FAM186A: variants seen among roughly 807,000 people sequenced by gnomAD.
FAM186A encodes the protein family with sequence similarity 186 member A.
In FAM186A, 163 loss-of-function variants were observed where a neutral mutation model predicts 216.8. The ratio of observed to expected loss-of-function variants is 0.75; its 90% CI spans 0.66 to 0.86. The LOEUF is 0.86. FAM186A is among the 40% of genes least tolerant of loss of function. FAM186A has a pLI of 0.00. For synonymous variants in FAM186A, 805 were observed against 1,025.3 expected (o/e 0.79, Z 4.10); for missense variants, 2,184 against 2,746.2 (o/e 0.80, Z 4.58).
Position 50,353,342 on chromosome 12 carries a change from C to A in FAM186A, c.3490G>T (p.Ala1164Ser), listed in dbSNP as rs1942930783. ...APGISLTTQQ[A>S]QKLGIPLTPQ... is the part of the protein sequence containing the mutation. ...GTAAGAGGGATCCCTAGTTTCTGAG[C>A]CTGCTGAGTGGTGAGAGAGATCCCC... Residue 1164 changes from alanine to serine, a missense_variant, in exon 4 of 8, where the codon GCT becomes TCT. Coordinates refer to ENST00000327337, the MANE Select transcript of FAM186A (RefSeq NM_001145475.3). The A allele has an allele frequency of 6.5e-7, 1 of 1,538,516 alleles. No homozygotes were observed. Among genetic ancestry groups the A allele is most frequent in the Non-Finnish European group, 8.8e-7 (1 of 1,141,378 alleles).
Position 50,355,512 on chromosome 12 carries a change from T to A in FAM186A, c.1320A>T (p.Ser440=). Residue 440 remains serine (S), a synonymous_variant, in exon 4 of 8, where the codon TCA becomes TCT. Transcript: ENST00000327337. The stretch of plus-strand genomic sequence containing the variant: ...CCTGATAGAAATCACCTTTCTTCAA[T>A]GATACGTTATCTTTAGTGCTGTCTT... ...ISEDSTKDNV[S]LKKGDFYQED... The A allele has an allele frequency of 6.4e-7, 1 of 1,551,382 alleles. No individual in the cohort carries two copies. The highest frequency in any genetic ancestry group is 8.7e-7 in the Non-Finnish European group (1 of 1,146,944).
At chr12:50,376,546 A>C (rs1409413046) in intron 1 of FAM186A, among the ~76,000 whole-genome samples, 1 of 152,050 alleles carries the variant, frequency 6.6e-6, no homozygotes, top group Non-Finnish European at 1.5e-5. Context: ...GGAGTCTCTG[A>C]GTCTGGCTAA....
chr12:50,372,118 A>AT lies in FAM186A; in HGVS notation c.193-8755dup, dbSNP rs576263398. ...TGAGCCATCGTGGCTGGCCCAATTA[A>AT]TTTTTTTTTTAATTTAAAAAGGAAT... is the stretch of plus-strand genomic sequence containing the variant. On this transcript the variant is annotated intron_variant, in intron 1 of 7. Transcript: ENST00000327337. Among the ~76,000 whole-genome samples the AT allele has an allele frequency of 7.0e-4, 106 of 150,362 alleles. No individual in the cohort carries two copies. The Middle Eastern group carries it at 0.017, about 25-fold the overall frequency.
At chr12:50,341,086 C>T (rs1028696052) in intron 4 of FAM186A, among the ~76,000 whole-genome samples, 4 of 152,014 alleles carry the variant, frequency 2.6e-5, no homozygotes, top group Admixed American at 6.6e-5. Flanking sequence ...CATGAGCCAC[C>T]GCGCCCAGCT....
At chr12:50,363,110 T>C (rs1943052075) in intron 2 of FAM186A, 35 bp downstream of exon 2, 1 of 1,468,176 alleles carries the variant, frequency 6.8e-7, no homozygotes, top group Admixed American at 2.4e-5. Flanking sequence ...TCATTAACTT[T>C]ATGGTTTTCC....
chr12:50,328,392 C>T lies in FAM186A; in HGVS notation c.7035-988G>A, dbSNP rs1452327186. On this transcript the variant is annotated intron_variant, in intron 7 of 7. Transcript: ENST00000327337. Reference sequence around the variant, plus strand: ...ACGTCTCTAAAAACAAACAAAAATACAGATCTACAATGAATATCACACAAC... The same window carrying T: ...ACGTCTCTAAAAACAAACAAAAATATAGATCTACAATGAATATCACACAAC... 2.6e-5 allele frequency among the ~76,000 whole-genome samples: 4 copies of T among 151,902 alleles called. No homozygotes were observed. The East Asian group carries it at 5.8e-4, about 22-fold the overall frequency.
chr12:50,346,674 C>T (rs998881750), intron 4 of FAM186A, among the ~76,000 whole-genome samples: 1 of 151,826 alleles, frequency 6.6e-6, no homozygotes, highest in Admixed American at 6.6e-5. Context: ...GGTGAAACCC[C>T]GTCTCTACTA....
At chr12:50,392,741 G>A (rs923828263) in intron 1 of FAM186A, among the ~76,000 whole-genome samples, 5 of 149,164 alleles carry the variant, frequency 3.4e-5, no homozygotes, top group East Asian at 2.0e-4. Flanking sequence ...TGGGACTACA[G>A]TCGTGTGCCA....
chr12:50,379,019 A>G (rs1010814523), intron 1 of FAM186A, among the ~76,000 whole-genome samples: 6 of 152,346 alleles, frequency 3.9e-5, no homozygotes, highest in Middle Eastern at 3.4e-3. Context: ...AAAAGAATAA[A>G]GAAGGCTGGG....
At chr12:50,389,546 T>C (rs766088849) in intron 1 of FAM186A, among the ~76,000 whole-genome samples, 47 of 152,292 alleles carry the variant, frequency 3.1e-4, no homozygotes, top group Non-Finnish European at 2.9e-4. Context: ...AGGTAAATTC[T>C]ACCCAACTGG....
intron 3 of FAM186A, among the ~76,000 whole-genome samples, chr12:50,358,693 G>A (rs1943001741): frequency 6.6e-6 from 1 of 152,076 alleles, no homozygotes; most frequent in South Asian, 2.1e-4. Flanking sequence ...GGGAGGCCGA[G>A]GAGGGTGGAT....
At position 50,353,206 on chromosome 12, in the gene FAM186A, G is replaced by C; in HGVS notation, c.3626C>G (p.Pro1209Arg). The C allele has an allele frequency of 6.9e-7, 1 of 1,452,786 alleles. No homozygotes were observed. Among genetic ancestry groups the C allele is most frequent in the East Asian group, 2.9e-5 (1 of 34,922 alleles). 90.0% of individuals were successfully genotyped at this position (1,452,786 alleles called of 1,614,324 possible). A position where few individuals can be genotyped will look rare whatever the true frequency, so the allele number is the denominator to read the frequency against. The change falls in exon 4 of 8, where the codon CCT (proline) becomes CGT (arginine). Residue 1209 changes from proline (P) to arginine (R), a missense_variant. Coordinates refer to ENST00000327337, the MANE Select transcript of FAM186A (RefSeq NM_001145475.3). ...GATCCCCAATTCCTGAGCCTGCTGA[G>C]GGGTGAGAGAGACCCTCAGGGCCTG... is the stretch of plus-strand genomic sequence containing the variant. ...QAQALRVSLTPQQAQELGIPL... is the reference protein window; with the variant it reads ...QAQALRVSLTRQQAQELGIPL...
At chr12:50,373,879 T>C (rs1006640284) in intron 1 of FAM186A, among the ~76,000 whole-genome samples, 12 of 151,824 alleles carry the variant, frequency 7.9e-5, no homozygotes, top group Admixed American at 7.2e-4. Flanking sequence ...TTATTCACAA[T>C]AGCAAAGACT....
intron 4 of FAM186A, 149 bp from the exon 5 acceptor site, chr12:50,334,252 A>C (rs1307095441): frequency 1.5e-6 from 1 of 651,720 alleles, no homozygotes; most frequent in Non-Finnish European, 2.5e-6. Context: ...GCTTATTGCA[A>C]CCTCCACCTC....
chr12:50,382,561 G>A (rs917460194), intron 1 of FAM186A, among the ~76,000 whole-genome samples: 2 of 151,838 alleles, frequency 1.3e-5, no homozygotes. Context: ...TTAGCCAGGT[G>A]TGGTGGCTCA....
chr12:50,396,174 G>T, intron 1 of FAM186A, 119 bp downstream of exon 1: 1 of 932,640 alleles, frequency 1.1e-6, no homozygotes. Context: ...TGAAGTCAAA[G>T]CTACCCTAAA....
chr12:50,392,671 T>C (rs1490503075), intron 1 of FAM186A: 1 of 148,956 alleles, frequency 6.7e-6, no homozygotes, highest in Non-Finnish European at 1.5e-5. Flanking sequence ...CTGTCTTGAC[T>C]CACTGCAACC....
chr12:50,365,379 C>T (rs989638609), intron 1 of FAM186A, among the ~76,000 whole-genome samples: 3 of 152,252 alleles, frequency 2.0e-5, no homozygotes, highest in East Asian at 1.9e-4. Flanking sequence ...AATTGCTTTC[C>T]TTTTACTTAT....
Position 50,350,320 on chromosome 12 carries a change from T to C in FAM186A, c.6503+9A>G. ...AACCAGAAAACTAGACGTAAATAAT[T>C]ATATCTACCTGGCATGCTGGATCAG... On this transcript the variant is annotated intron_variant, in intron 4 of 7. Transcript: ENST00000327337. The C allele has an allele frequency of 1.3e-6, 2 of 1,502,526 alleles. No homozygotes were observed. The highest frequency in any genetic ancestry group is 1.8e-6 in the Non-Finnish European group (2 of 1,123,698). 93.1% of individuals were successfully genotyped at this position (1,502,526 alleles called of 1,614,324 possible). A position where few individuals can be genotyped will look rare whatever the true frequency, so the allele number is the denominator to read the frequency against.
Sources: allele counts gnomAD v4.1 joint callset (sites outside exome capture counted in the v4.1 genomes callset), GRCh38; gene constraint gnomAD v4.1.1; transcripts MANE v1.5; gene names NCBI Gene and HGNC (gene_info 2026-07-23, HGNC 2026-07-21).